The following CEMIP2 variants were observed in gnomAD, a reference collection of about 807,000 sequenced individuals.
CEMIP2 encodes cell surface hyaluronidase CEMIP2.
CEMIP2 carries 79 observed loss-of-function variants against 146.9 expected under a neutral mutation model. That is an observed-to-expected ratio of 0.54 (90% CI 0.45 to 0.65). CEMIP2 has a LOEUF of 0.65. Ranked by LOEUF, CEMIP2 falls within the 30% of genes least tolerant of loss-of-function variation. CEMIP2 has a pLI of 0.00. For missense variants in CEMIP2, 1,596 were observed against 1,696.2 expected (o/e 0.94, Z 1.04); for synonymous variants, 601 against 606.3 (o/e 0.99, Z 0.13).
chr9:71,754,957 T>C (rs1824379560), intron 1 of CEMIP2, among the ~76,000 whole-genome samples: 1 of 152,180 alleles, frequency 6.6e-6, no homozygotes, highest in Admixed American at 6.6e-5. Flanking sequence ...CTAGTGCTTT[T>C]GTCTAATTCT....
At position 71,685,172 on chromosome 9, in the gene CEMIP2, C is replaced by A. The variant is rs188346065; in HGVS notation, c.*25G>T. On this transcript the variant is annotated 3_prime_UTR_variant, in exon 24 of 24. Coordinates refer to ENST00000377044, the MANE Select transcript of CEMIP2 (RefSeq NM_013390.3). ...TAAGTTAGTTCACATTTTTTTTCCC[C>A]CAGCACTTAAGTTACAGTTAGTCTC... 21 of 1,550,504 alleles carry A rather than the reference C, an allele frequency of 1.4e-5. No homozygotes were observed. In the Admixed American group the frequency reaches 3.9e-4, roughly 29 times the overall value.
At chr9:71,715,945 G>C (rs1823045666) in intron 14 of CEMIP2, among the ~76,000 whole-genome samples, 2 of 151,832 alleles carry the variant, frequency 1.3e-5, no homozygotes, top group Admixed American at 1.3e-4. Flanking sequence ...ATTAATAAAT[G>C]ATTTACAAAT....
intron 18 of CEMIP2, chr9:71,704,351 G>T: frequency 1.9e-6 from 1 of 514,830 alleles, no homozygotes; most frequent in South Asian, 2.1e-5. Context: ...AAAACCTATC[G>T]TTGAATGGCT....
intron 1 of CEMIP2, among the ~76,000 whole-genome samples, chr9:71,763,968 C>T (rs528443104): frequency 2.1e-4 from 32 of 152,212 alleles, no homozygotes; most frequent in African/African-American, 6.0e-4. Context: ...ATATTAAAGG[C>T]TTCCCAAAGC....
At chr9:71,731,521 G>A (rs952823875) in intron 7 of CEMIP2, among the ~76,000 whole-genome samples, 7 of 152,068 alleles carry the variant, frequency 4.6e-5, no homozygotes, top group African/African-American at 1.7e-4. Flanking sequence ...TTGAGCCCAG[G>A]AGTTCAATAC....
chr9:71,741,354 C>T (rs1026016477), intron 4 of CEMIP2, among the ~76,000 whole-genome samples: 4 of 151,730 alleles, frequency 2.6e-5, no homozygotes, highest in Admixed American at 6.6e-5. Flanking sequence ...TGTGCCACCA[C>T]GCCCGGCCAA....
chr9:71,690,378 G>A, intron 21 of CEMIP2, 132 bp from the exon 22 acceptor site: 1 of 1,178,918 alleles, frequency 8.5e-7, no homozygotes, highest in South Asian at 1.6e-5. Context: ...TTCAAATTGT[G>A]TGCTTCACTT....
At chr9:71,694,373 T>A in intron 21 of CEMIP2, 136 bp downstream of exon 21, 1 of 619,824 alleles carries the variant, frequency 1.6e-6, no homozygotes, top group Non-Finnish European at 2.9e-6. Context: ...TCTGCCCACC[T>A]TGGCCTCCCA....
At chr9:71,712,012 T>G in intron 16 of CEMIP2, 71 bp downstream of exon 16, 1 of 1,531,654 alleles carries the variant, frequency 6.5e-7, no homozygotes, top group South Asian at 1.2e-5. Flanking sequence ...TTTGCGTTTT[T>G]GTCTTTGGGA....
Position 71,735,071 on chromosome 9 carries a change from A to G in CEMIP2, c.1205-77T>C. ...TTTTCTCTCTAAAATGAACCCTCAC[A>G]CTGATTCACAAATCAAAAGTTAAGA... On this transcript the variant is annotated intron_variant, in intron 5 of 23. Transcript: ENST00000377044. 4 of 1,474,354 alleles carry G rather than the reference A, an allele frequency of 2.7e-6. No homozygotes were observed. In the South Asian group the frequency reaches 5.6e-5, roughly 21 times the overall value. The allele number at this position is 1,474,354 out of a possible 1,614,324, so 91.3% of individuals were successfully genotyped here.
In CEMIP2 at chr9:71,734,821, GA is replaced by G; in HGVS notation, c.1377del (p.Gln460ArgfsTer17). The G allele has an allele frequency of 6.2e-7, 1 of 1,608,224 alleles. No individual in the cohort carries two copies. ...AGTTTAATACCTTTGACTTTGACCT[GA>G]AAATGGCTGCATTCAGAACAGGGAA... is the stretch of plus-strand genomic sequence containing the variant. Reference protein sequence around the residue: ...TLLPCSECSHFQVKVKETPQF... With the variant: ...TLLPCSECSHXQVKVKETPQF... On this transcript the variant is annotated frameshift_variant, in exon 6 of 24. Transcript: ENST00000377044. LOFTEE classifies it high-confidence loss of function.
At chr9:71,764,165 C>T (rs12553587) in intron 1 of CEMIP2, among the ~76,000 whole-genome samples, 36,538 of 152,086 alleles carry the variant, frequency 0.24, 4,595 homozygotes, top group South Asian at 0.34. Flanking sequence ...CTTTAAATTT[C>T]CATCCTGTTT....
At chr9:71,753,414 C>A (rs1024210134) in intron 1 of CEMIP2, among the ~76,000 whole-genome samples, 1 of 152,112 alleles carries the variant, frequency 6.6e-6, no homozygotes, top group African/African-American at 2.4e-5. Flanking sequence ...TGGATCCCAA[C>A]ATGAAAATTC....
Position 71,707,004 on chromosome 9 carries a change from A to G in CEMIP2, c.2986-2201T>C, listed in dbSNP as rs552399125. Among the ~76,000 whole-genome samples, 9 of 151,804 alleles carry G rather than the reference A, an allele frequency of 5.9e-5. No homozygotes were observed. In the South Asian group the frequency reaches 1.9e-3, roughly 32 times the overall value. ...CCACCACGCCTGGCTAATTTTTTCT[A>G]TTTAGTAGAGATGAAGTTTCACCAT... On this transcript the variant is annotated intron_variant, in intron 17 of 23. Coordinates refer to ENST00000377044, the MANE Select transcript of CEMIP2 (RefSeq NM_013390.3).
intron 21 of CEMIP2, among the ~76,000 whole-genome samples, chr9:71,691,600 C>T (rs1416365414): frequency 6.6e-6 from 1 of 151,950 alleles, no homozygotes; most frequent in Non-Finnish European, 1.5e-5. Flanking sequence ...CCCAACAGTC[C>T]TCAACATATT....
chr9:71,715,237 C>CTTT (rs34322815), intron 14 of CEMIP2, 148 bp from the exon 15 acceptor site: 150 of 232,672 alleles, frequency 6.4e-4, no homozygotes, highest in South Asian at 1.4e-3. Flanking sequence ...TCAGAAACTG[C>CTTT]TTTTTTTTTT....
At chr9:71,727,045 T>G (rs1160210171) in intron 10 of CEMIP2, among the ~76,000 whole-genome samples, 1 of 152,222 alleles carries the variant, frequency 6.6e-6, no homozygotes, top group Non-Finnish European at 1.5e-5. Flanking sequence ...TGATTTACTT[T>G]GGGAGGAAAA....
chr9:71,732,584 A>G (rs1378555364), intron 6 of CEMIP2, 64 bp from the exon 7 acceptor site: 15 of 1,425,578 alleles, frequency 1.1e-5, no homozygotes, highest in Non-Finnish European at 1.4e-5. Context: ...ACTCACTTCA[A>G]AAAGACATTC....
intron 12 of CEMIP2, among the ~76,000 whole-genome samples, chr9:71,719,798 G>T (rs1462916429): frequency 1.5e-5 from 2 of 132,920 alleles, no homozygotes; most frequent in African/African-American, 5.7e-5. Flanking sequence ...ATAGTAAGCA[G>T]ATGGAAGAGT....
Sources: allele counts gnomAD v4.1 joint callset (sites outside exome capture counted in the v4.1 genomes callset), GRCh38; gene constraint gnomAD v4.1.1; transcripts MANE v1.5; gene names NCBI Gene and HGNC (gene_info 2026-07-23, HGNC 2026-07-21).